EXOC6B: variants seen among roughly 807,000 people sequenced by gnomAD.
EXOC6B encodes SEC15 homolog B.
In EXOC6B, 54 loss-of-function variants were observed where a neutral mutation model predicts 113.5. The observed-to-expected ratio is 0.48, with a 90% confidence interval of 0.38 to 0.60. EXOC6B has a LOEUF of 0.60. Among genes scored for constraint, EXOC6B ranks in the 20% least tolerant of loss-of-function variants. EXOC6B has a pLI of 0.00. For synonymous variants in EXOC6B, 357 were observed against 339.0 expected (o/e 1.05, Z -0.58); for missense variants, 797 against 977.5 (o/e 0.82, Z 2.46).
intron 1 of EXOC6B, among the ~76,000 whole-genome samples, chr2:72,814,559 C>T (rs1192745904): frequency 6.6e-6 from 1 of 152,204 alleles, no homozygotes; most frequent in Non-Finnish European, 1.5e-5. Context: ...ATGGTTCTTG[C>T]TCCCTTAAAT....
At chr2:72,633,189 C>A (rs150842415) in intron 6 of EXOC6B, among the ~76,000 whole-genome samples, 3 of 152,292 alleles carry the variant, frequency 2.0e-5, no homozygotes, top group East Asian at 3.9e-4. Context: ...ATTCCGTCTG[C>A]CATCAGGTGG....
intron 18 of EXOC6B, among the ~76,000 whole-genome samples, chr2:72,419,460 T>C (rs1278997431): frequency 6.6e-6 from 1 of 152,220 alleles, no homozygotes; most frequent in Non-Finnish European, 1.5e-5. Flanking sequence ...CTGCATGACA[T>C]TCATTAAGAT....
At chr2:72,647,348 C>T (rs750965845) in intron 6 of EXOC6B, among the ~76,000 whole-genome samples, 1 of 152,288 alleles carries the variant, frequency 6.6e-6, no homozygotes, top group East Asian at 1.9e-4. Flanking sequence ...AATGGCCATA[C>T]TGCCCAAGGT....
chr2:72,316,232 T>C (rs898253560), intron 20 of EXOC6B, among the ~76,000 whole-genome samples: 5 of 152,184 alleles, frequency 3.3e-5, no homozygotes, highest in Non-Finnish European at 5.9e-5. Context: ...TGGAAGAATA[T>C]GAGCAAGTAT....
intron 6 of EXOC6B, among the ~76,000 whole-genome samples, chr2:72,620,540 A>T (rs1671684918): frequency 6.6e-6 from 1 of 151,748 alleles, no homozygotes; most frequent in Non-Finnish European, 1.5e-5. Flanking sequence ...AAGACCTCAA[A>T]CTATTAAAAT....
At chr2:72,634,704 A>G (rs1173380122) in intron 6 of EXOC6B, among the ~76,000 whole-genome samples, 1 of 152,226 alleles carries the variant, frequency 6.6e-6, no homozygotes, top group Non-Finnish European at 1.5e-5. Context: ...AACAAGATCT[A>G]AATGACATTC....
intron 6 of EXOC6B, among the ~76,000 whole-genome samples, chr2:72,675,119 A>T (rs1022930170): frequency 6.6e-6 from 1 of 152,246 alleles, no homozygotes; most frequent in African/African-American, 2.4e-5. Context: ...TTGTACAGGT[A>T]TACACCCAAA....
At chr2:72,805,557 T>C (rs1488209842) in intron 1 of EXOC6B, among the ~76,000 whole-genome samples, 1 of 152,190 alleles carries the variant, frequency 6.6e-6, no homozygotes, top group Non-Finnish European at 1.5e-5. Context: ...ACATGATGTT[T>C]TGATATATGT....
intron 16 of EXOC6B, 50 bp downstream of exon 16, chr2:72,492,268 G>C (rs1699778739): frequency 9.2e-7 from 1 of 1,084,482 alleles, no homozygotes; most frequent in Non-Finnish European, 1.4e-6. Flanking sequence ...CAGAGCTTAG[G>C]ACATCTGTTC....
intron 18 of EXOC6B, among the ~76,000 whole-genome samples, chr2:72,433,069 T>A (rs1393985819): frequency 1.3e-5 from 2 of 152,250 alleles, no homozygotes; most frequent in Non-Finnish European, 2.9e-5. Context: ...TTAATCCATT[T>A]TGAGTTAACT....
intron 6 of EXOC6B, among the ~76,000 whole-genome samples, chr2:72,716,516 G>T (rs1383069139): frequency 3.3e-5 from 5 of 152,056 alleles, no homozygotes. Flanking sequence ...TAGGAGAAAT[G>T]AAGATTTCTC....
At chr2:72,373,536 C>A (rs1691168343) in intron 19 of EXOC6B, among the ~76,000 whole-genome samples, 1 of 151,932 alleles carries the variant, frequency 6.6e-6, no homozygotes, top group Non-Finnish European at 1.5e-5. Context: ...ATTAATAACC[C>A]AAATATATAA....
chr2:72,662,345 G>T (rs1253760579), intron 6 of EXOC6B, among the ~76,000 whole-genome samples: 1 of 152,112 alleles, frequency 6.6e-6, no homozygotes, highest in Non-Finnish European at 1.5e-5. Flanking sequence ...TTCATGTTTT[G>T]TTCTACAAAA....
At chr2:72,693,193 A>C (rs1161166226) in intron 6 of EXOC6B, among the ~76,000 whole-genome samples, 1 of 152,198 alleles carries the variant, frequency 6.6e-6, no homozygotes, top group Non-Finnish European at 1.5e-5. Flanking sequence ...TAACAAAAAA[A>C]TATAACACAT....
chr2:72,797,882 C>A (rs1189217354), intron 1 of EXOC6B, among the ~76,000 whole-genome samples: 1 of 151,652 alleles, frequency 6.6e-6, no homozygotes, highest in African/African-American at 2.4e-5. Flanking sequence ...TTCATCCCTA[C>A]CCCCCAATGG....
rs772394837 is a variant in EXOC6B at position 72,718,246 on chromosome 2, G to C, written c.526C>G (p.His176Asp). 1 of 1,613,818 alleles carries C rather than the reference G, an allele frequency of 6.2e-7. No individual in the cohort carries two copies. ...ACCATCACCTTGCAGAATCGATAGTGGCTTACTTGAGGCAGGTAGGTATGC... is the reference window on the plus strand; with the variant it reads ...ACCATCACCTTGCAGAATCGATAGTCGCTTACTTGAGGCAGGTAGGTATGC... ...LEHTYLPQVS[H>D]YRFCKVMVDN... The change falls in exon 6 of 22, where the codon CAC (histidine) becomes GAC (aspartate). Residue 176 changes from histidine (H) to aspartate (D), a missense_variant. Physicochemically the swap from His to Asp is moderately conservative, Grantham distance 81. Coordinates refer to ENST00000272427, the MANE Select transcript of EXOC6B (RefSeq NM_015189.3).
chr2:72,495,045 T>TG lies in EXOC6B; in HGVS notation c.1553+384dup, dbSNP rs1181083788. ...TTGTCTATTTTTTTTTCTATAGAGA[T>TG]GGGGGTCCCACTATGTGGCCCAGGC... On this transcript the variant is annotated intron_variant, in intron 15 of 21. Coordinates refer to ENST00000272427, the MANE Select transcript of EXOC6B (RefSeq NM_015189.3). 2.6e-5 allele frequency among the ~76,000 whole-genome samples: 4 copies of TG among 152,138 alleles called. No homozygotes were observed. In the East Asian group the frequency reaches 7.7e-4, roughly 29 times the overall value.
At chr2:72,267,833 T>A (rs1458861707) in intron 20 of EXOC6B, among the ~76,000 whole-genome samples, 6 of 152,102 alleles carry the variant, frequency 3.9e-5, no homozygotes, top group South Asian at 4.1e-4. Context: ...TTCACTTGGG[T>A]CATCTCAACA....
At chr2:72,401,530 T>A (rs1295604602) in intron 18 of EXOC6B, among the ~76,000 whole-genome samples, 1 of 30,372 alleles carries the variant, frequency 3.3e-5, no homozygotes, top group Non-Finnish European at 5.0e-5. Flanking sequence ...TATACATATA[T>A]ATATATATAT....
Sources: gnomAD v4.1 joint callset for allele counts (sites outside exome capture counted in the v4.1 genomes callset) on GRCh38, gnomAD v4.1.1 for gene constraint, MANE v1.5 for transcripts, NCBI Gene and HGNC (gene_info 2026-07-23, HGNC 2026-07-21) for gene names.